The following SAMD12 variants were observed in gnomAD, a reference collection of about 807,000 sequenced individuals.
The protein encoded by SAMD12 is sterile alpha motif domain containing 12, also known as sterile alpha motif domain-containing protein 12.
A neutral mutation model predicts 15.0 loss-of-function variants in SAMD12; 9 were observed. The observed-to-expected ratio is 0.60, with a 90% CI of 0.36 to 1.05. SAMD12 has a LOEUF of 1.05. Ranked by LOEUF, SAMD12 falls within the 50% of genes least tolerant of loss-of-function variation. The pLI, the probability that SAMD12 is intolerant of heterozygous loss-of-function variation, is 0.01. For synonymous variants in SAMD12, 86 were observed against 90.1 expected (o/e 0.96, Z 0.25); for missense variants, 230 against 234.2 (o/e 0.98, Z 0.12).
At chr8:118,506,074 T>C (rs772206573) in intron 2 of SAMD12, among the ~76,000 whole-genome samples, 5 of 152,178 alleles carry the variant, frequency 3.3e-5, no homozygotes, top group Non-Finnish European at 5.9e-5. Flanking sequence ...TGCAGTCACA[T>C]TCATTGTCTC....
At chr8:118,504,707 G>T (rs1194984606) in intron 2 of SAMD12, among the ~76,000 whole-genome samples, 2 of 152,218 alleles carry the variant, frequency 1.3e-5, no homozygotes, top group African/African-American at 4.8e-5. Flanking sequence ...AAGACATAGA[G>T]AGGTTTGAGA....
chr8:118,233,827 T>C (rs11562664), intron 4 of SAMD12, among the ~76,000 whole-genome samples: 8,306 of 152,252 alleles, frequency 0.055, 338 homozygotes, highest in Non-Finnish European at 0.094. Flanking sequence ...TAGGGAATCA[T>C]GTAGATTTTT....
chr8:118,562,523 A>T (rs1826733323), intron 2 of SAMD12, among the ~76,000 whole-genome samples: 1 of 152,214 alleles, frequency 6.6e-6, no homozygotes, highest in Non-Finnish European at 1.5e-5. Context: ...ACTTCCAAAA[A>T]CAAACACACA....
intron 4 of SAMD12, among the ~76,000 whole-genome samples, chr8:118,208,472 T>C (rs1234024277): frequency 2.0e-5 from 3 of 152,208 alleles, no homozygotes; most frequent in African/African-American, 4.8e-5. Flanking sequence ...GCTGCTGGTG[T>C]GTGGACCATA....
intron 2 of SAMD12, among the ~76,000 whole-genome samples, chr8:118,447,405 A>C (rs139578609): frequency 0.024 from 3,668 of 151,594 alleles, 135 homozygotes; most frequent in African/African-American, 0.084. Flanking sequence ...CAGGTTCAAG[A>C]GATTCTCCTG....
At chr8:118,146,376 C>T in the SAMD12 span, among the ~76,000 whole-genome samples, 10 of 152,106 alleles carry the variant, frequency 6.6e-5, no homozygotes, top group Non-Finnish European at 1.2e-4. Context: ...GAACGGAGGG[C>T]CTTGTCCACC....
chr8:118,230,877 C>T (rs931842807), intron 4 of SAMD12, among the ~76,000 whole-genome samples: 2 of 151,940 alleles, frequency 1.3e-5, no homozygotes, highest in Non-Finnish European at 2.9e-5. Flanking sequence ...TTGTGGGTGA[C>T]GACAAAAAAT....
chr8:118,496,109 A>G (rs1273124809), intron 2 of SAMD12, among the ~76,000 whole-genome samples: 1 of 152,222 alleles, frequency 6.6e-6, no homozygotes, highest in African/African-American at 2.4e-5. Flanking sequence ...GATAGGAATA[A>G]TCTATATATT....
intron 2 of SAMD12, among the ~76,000 whole-genome samples, chr8:118,554,534 G>C (rs977600764): frequency 3.8e-5 from 5 of 133,208 alleles, no homozygotes; most frequent in African/African-American, 1.4e-4. Context: ...GGACTGCTGT[G>C]GGGTTGGGGG....
chr8:118,367,995 C>T (rs1181247329), intron 4 of SAMD12, among the ~76,000 whole-genome samples: 1 of 152,192 alleles, frequency 6.6e-6, no homozygotes, highest in Non-Finnish European at 1.5e-5. Flanking sequence ...TCAGGATATA[C>T]ATCTCATAAT....
chr8:118,474,940 G>A (rs1379885155), intron 2 of SAMD12, among the ~76,000 whole-genome samples: 1 of 152,214 alleles, frequency 6.6e-6, no homozygotes, highest in African/African-American at 2.4e-5. Context: ...AGAGCTAATT[G>A]TTGAAAAGAA....
At chr8:118,567,896 A>ATAC (rs1826894569) in intron 2 of SAMD12, among the ~76,000 whole-genome samples, 1 of 152,036 alleles carries the variant, frequency 6.6e-6, no homozygotes, top group Non-Finnish European at 1.5e-5. Context: ...CAGCCAGTTG[A>ATAC]AGACTAAATG....
At chr8:118,290,983 T>C (rs1172151483) in intron 4 of SAMD12, among the ~76,000 whole-genome samples, 2 of 152,254 alleles carry the variant, frequency 1.3e-5, no homozygotes, top group Non-Finnish European at 2.9e-5. Context: ...CACCATTTCC[T>C]TGGCTGGCCT....
At chr8:118,421,808 A>T (rs1173785333) in intron 3 of SAMD12, among the ~76,000 whole-genome samples, 2 of 152,238 alleles carry the variant, frequency 1.3e-5, no homozygotes, top group Non-Finnish European at 2.9e-5. Context: ...GTTCTGACAC[A>T]GTCTACCACA....
intron 2 of SAMD12, among the ~76,000 whole-genome samples, chr8:118,506,739 C>A (rs6995590): frequency 0.056 from 8,459 of 151,216 alleles, 750 homozygotes; most frequent in African/African-American, 0.19. Context: ...TCAGCCACAG[C>A]CAATTTAGAA....
rs1009217916 is a variant in SAMD12, at chr8:118,531,723, C to G, written c.192+48992G>C. 1.1e-4 allele frequency among the ~76,000 whole-genome samples: 16 copies of G among 152,272 alleles called. 1 individual carries two copies. Among genetic ancestry groups the G allele is most frequent in the Middle Eastern group, 6.8e-3 (2 of 294 alleles). Reference sequence around the variant, plus strand: ...GGGATTTCACTCATGATTTGGCTCTCTGTTTGTCTGTTATTGGTGTATAAG... The same window carrying G: ...GGGATTTCACTCATGATTTGGCTCTGTGTTTGTCTGTTATTGGTGTATAAG... On this transcript the variant is annotated intron_variant, in intron 2 of 3. Transcript: ENST00000314727.
chr8:118,566,679 G>A (rs1348051044), intron 2 of SAMD12, among the ~76,000 whole-genome samples: 2 of 152,152 alleles, frequency 1.3e-5, no homozygotes, highest in Admixed American at 6.6e-5. Context: ...AAAGAAACAT[G>A]AGTGAAGAGC....
rs576763319 is a variant in SAMD12 at position 118,270,226 on chromosome 8, T to C, written c.434-72494A>G. 1.4e-4 allele frequency among the ~76,000 whole-genome samples: 22 copies of C among 152,336 alleles called. No individual in the cohort carries two copies. In the South Asian group the frequency reaches 4.2e-3, roughly 29 times the overall value. On this transcript the variant is annotated intron_variant, in intron 4 of 4. Transcript: ENST00000409003. ...TTAATACTAACTTCTTCTGAGTTTA[T>C]GGACATTGCAAATAACATTAGCCAA...
intron 2 of SAMD12, among the ~76,000 whole-genome samples, chr8:118,522,181 CACACACACACACACACAT>C (rs765897085): frequency 0.014 from 1,171 of 83,586 alleles, 23 homozygotes; most frequent in African/African-American, 0.05. Context: ...CACACACATA[CACACACACACACACACAT>C]ACACACACAC....
Sources: gnomAD v4.1 joint callset for allele counts (sites outside exome capture counted in the v4.1 genomes callset) on GRCh38, gnomAD v4.1.1 for gene constraint, MANE v1.5 for transcripts, NCBI Gene and HGNC (gene_info 2026-07-23, HGNC 2026-07-21) for gene names.